The following LRRTM4 variants were observed in gnomAD, a reference collection of about 807,000 sequenced individuals.
The protein encoded by LRRTM4 is leucine rich repeat transmembrane neuronal 4.
LRRTM4 carries 25 observed loss-of-function variants against 47.6 expected under a neutral mutation model. The observed-to-expected ratio is 0.53, with a 90% CI of 0.38 to 0.73. The LOEUF (loss-of-function observed/expected upper bound fraction) is 0.73, where lower values mean the gene tolerates loss of function less well. Among genes scored for constraint, LRRTM4 ranks in the 30% least tolerant of loss-of-function variants. The probability of loss-of-function intolerance (pLI) is 0.00; values close to 1 mark genes in which losing one functional copy is unlikely to be tolerated. For synonymous variants in LRRTM4, 311 were observed against 269.5 expected, an observed-to-expected ratio of 1.15 and a Z score of -1.51; for missense variants, 638 against 713.4, an observed-to-expected ratio of 0.89 and a Z score of 1.20.
chr2:76,911,970 C>T (rs1038035038), intron 3 of LRRTM4, among the ~76,000 whole-genome samples: 4 of 147,844 alleles, frequency 2.7e-5, no homozygotes, highest in Non-Finnish European at 3.0e-5. Context: ...CGCTCTGTCG[C>T]CCAGGCTGGA....
intron 3 of LRRTM4, among the ~76,000 whole-genome samples, chr2:77,271,736 C>T (rs936727417): frequency 4.6e-5 from 7 of 152,204 alleles, no homozygotes; most frequent in Admixed American, 2.6e-4. Flanking sequence ...TTATGTCCAT[C>T]CTTCCTGTTT....
At chr2:77,522,028 G>A in intron 1 of LRRTM4, 81 bp downstream of exon 1, 1 of 707,062 alleles carries the variant, frequency 1.4e-6, no homozygotes, top group Admixed American at 2.0e-5. Flanking sequence ...TTGGCAATCT[G>A]TGCAAAAGAG....
intron 3 of LRRTM4, among the ~76,000 whole-genome samples, chr2:77,221,230 G>A (rs566079233): frequency 9.2e-5 from 14 of 152,210 alleles, no homozygotes; most frequent in African/African-American, 3.4e-4. Context: ...AGGAACAACT[G>A]GTACCAGCCA....
At chr2:77,147,527 C>A (rs1672292254) in intron 3 of LRRTM4, among the ~76,000 whole-genome samples, 1 of 152,182 alleles carries the variant, frequency 6.6e-6, no homozygotes, top group South Asian at 2.1e-4. Context: ...ACACCCTTAA[C>A]TTGGGTTTGC....
chr2:76,967,814 C>T (rs533236028), intron 3 of LRRTM4, among the ~76,000 whole-genome samples: 9 of 147,622 alleles, frequency 6.1e-5, no homozygotes, highest in Non-Finnish European at 1.1e-4. Flanking sequence ...TTTTGCTTTG[C>T]TTTTTTTTTT....
chr2:77,449,741 C>G (rs1485616768), intron 3 of LRRTM4, among the ~76,000 whole-genome samples: 1 of 152,138 alleles, frequency 6.6e-6, no homozygotes, highest in Non-Finnish European at 1.5e-5. Flanking sequence ...GTTAGCACTG[C>G]CAAAAACAGC....
At chr2:77,312,953 G>C (rs1005775941) in intron 3 of LRRTM4, among the ~76,000 whole-genome samples, 3 of 152,016 alleles carry the variant, frequency 2.0e-5, no homozygotes, top group Admixed American at 6.6e-5. Flanking sequence ...GAAAGATAAG[G>C]GTGCATGCCA....
intron 3 of LRRTM4, among the ~76,000 whole-genome samples, chr2:76,848,481 G>A (rs1430246715): frequency 2.0e-5 from 3 of 151,900 alleles, no homozygotes; most frequent in African/African-American, 7.2e-5. Flanking sequence ...AGGATATTTT[G>A]ACATTTTTCA....
intron 3 of LRRTM4, among the ~76,000 whole-genome samples, chr2:77,090,125 T>G (rs1198531906): frequency 6.6e-6 from 1 of 152,110 alleles, no homozygotes; most frequent in East Asian, 1.9e-4. Flanking sequence ...CTATAATCTT[T>G]TTATCACCTC....
intron 3 of LRRTM4, among the ~76,000 whole-genome samples, chr2:76,902,245 C>T (rs951956460): frequency 6.6e-6 from 1 of 152,080 alleles, no homozygotes; most frequent in Non-Finnish European, 1.5e-5. Context: ...CTGGCTACAC[C>T]CAGATATTCC....
chr2:76,984,484 C>T (rs1254621243), intron 3 of LRRTM4, among the ~76,000 whole-genome samples: 2 of 151,900 alleles, frequency 1.3e-5, no homozygotes, highest in African/African-American at 4.8e-5. Context: ...GATATGTATG[C>T]ATGGCCATGT....
intron 3 of LRRTM4, among the ~76,000 whole-genome samples, chr2:77,223,619 A>G (rs1045910022): frequency 3.9e-5 from 6 of 152,212 alleles, no homozygotes; most frequent in Non-Finnish European, 7.3e-5. Context: ...ATTGCTTCAA[A>G]GAGAATAAAA....
chr2:77,389,289 T>C (rs1673410113), intron 3 of LRRTM4, among the ~76,000 whole-genome samples: 1 of 152,078 alleles, frequency 6.6e-6, no homozygotes, highest in Admixed American at 6.6e-5. Flanking sequence ...CTTGATTTTG[T>C]TTCAAAAAGA....
At chr2:77,022,332 G>A (rs1430315979) in intron 3 of LRRTM4, among the ~76,000 whole-genome samples, 2 of 152,104 alleles carry the variant, frequency 1.3e-5, no homozygotes, top group Admixed American at 6.5e-5. Context: ...AGATTTGGAT[G>A]GGGACACAGA....
At chr2:77,185,759 T>C (rs1009993542) in intron 3 of LRRTM4, among the ~76,000 whole-genome samples, 1 of 152,110 alleles carries the variant, frequency 6.6e-6, no homozygotes, top group Non-Finnish European at 1.5e-5. Flanking sequence ...GACAAATGGT[T>C]TGTAGTATCT....
chr2:76,980,593 A>G (rs1676570624), intron 3 of LRRTM4, among the ~76,000 whole-genome samples: 1 of 152,030 alleles, frequency 6.6e-6, no homozygotes, highest in Non-Finnish European at 1.5e-5. Flanking sequence ...TGATTAAGAC[A>G]GATACACTCT....
intron 3 of LRRTM4, among the ~76,000 whole-genome samples, chr2:76,892,527 C>T (rs1198028058): frequency 6.6e-6 from 1 of 151,568 alleles, no homozygotes; most frequent in African/African-American, 2.4e-5. Context: ...TTTCTGAAAA[C>T]TTATTTAAGT....
chr2:77,292,489 C>T (rs1486053014), intron 3 of LRRTM4, among the ~76,000 whole-genome samples: 1 of 151,264 alleles, frequency 6.6e-6, no homozygotes, highest in Non-Finnish European at 1.5e-5. Flanking sequence ...AAATGTGGCA[C>T]ATCTACACCA....
chr2:77,048,834 C>G (rs181797582), intron 3 of LRRTM4, among the ~76,000 whole-genome samples: 273 of 151,364 alleles, frequency 1.8e-3, no homozygotes, highest in Non-Finnish European at 1.9e-3. Flanking sequence ...TCCTAAACAC[C>G]CTATAGTGCT....
Sources: gnomAD v4.1 joint callset for allele counts (sites outside exome capture counted in the v4.1 genomes callset) on GRCh38, gnomAD v4.1.1 for gene constraint, MANE v1.5 for transcripts, NCBI Gene and HGNC (gene_info 2026-07-23, HGNC 2026-07-21) for gene names.